Variants in VSTM5 observed in about 807,000 individuals in gnomAD.
The protein encoded by VSTM5 is V-set and transmembrane domain containing 5.
A neutral mutation model predicts 20.3 loss-of-function variants in VSTM5; 21 were observed. The observed-to-expected ratio is 1.03, with a 90% CI of 0.73 to 1.49. The LOEUF (loss-of-function observed/expected upper bound fraction) is 1.49. VSTM5 is among the 40% of genes most tolerant of loss of function. VSTM5 has a pLI of 0.00. For synonymous variants in VSTM5, 100 were observed against 102.5 expected, an observed-to-expected ratio of 0.98 and a Z score of 0.14; for missense variants, 219 against 250.0, an observed-to-expected ratio of 0.88 and a Z score of 0.84.
chr11:93,830,001 G>A (rs977355798), intron 1 of VSTM5, among the ~76,000 whole-genome samples: 6 of 152,178 alleles, frequency 3.9e-5, no homozygotes, highest in Non-Finnish European at 8.8e-5. Context: ...TTAAAAGTGT[G>A]GGAAAGGGAG....
In VSTM5 at chr11:93,821,167, G is replaced by A; in HGVS notation, c.248C>T (p.Pro83Leu). The A allele has an allele frequency of 6.4e-7, 1 of 1,552,190 alleles. No individual in the cohort carries two copies. Among genetic ancestry groups the A allele is most frequent in the Non-Finnish European group, 8.7e-7 (1 of 1,147,100 alleles). Residue 83 changes from proline to leucine, a missense_variant, in exon 2 of 4, where the codon CCA becomes CTA. Physicochemically the swap from Pro to Leu is moderately conservative, Grantham distance 98 (BLOSUM62 -3). Coordinates refer to ENST00000409977, the MANE Select transcript of VSTM5 (RefSeq NM_001144871.2). Reference sequence around the variant, plus strand: ...TTGAGAGATGTTGGCCTGAGTCCCTGGTTTCCACTCCACGATCTTCTGCGT... The same window carrying A: ...TTGAGAGATGTTGGCCTGAGTCCCTAGTTTCCACTCCACGATCTTCTGCGT... ...WGTQKIVEWK[P>L]GTQANISQSH...
At position 93,844,729 on chromosome 11, in the gene VSTM5, G is replaced by T. The variant is rs147097108; in HGVS notation, c.91+5683C>A. ...GCCATCAAGGCCTCTTCTTCAAGAA[G>T]CTCCTCCCATTCCAAACCGAGCTAA... is the stretch of plus-strand genomic sequence containing the variant. On this transcript the variant is annotated intron_variant, in intron 1 of 3. Coordinates refer to ENST00000409977, the MANE Select transcript of VSTM5 (RefSeq NM_001144871.2). Among the ~76,000 whole-genome samples the T allele has an allele frequency of 1.4e-3, 215 of 152,254 alleles. 2 individuals carry two copies. Among genetic ancestry groups the T allele is most frequent in the Middle Eastern group, 6.8e-3 (2 of 294 alleles).
intron 1 of VSTM5, among the ~76,000 whole-genome samples, 198 bp downstream of exon 1, chr11:93,850,214 C>T (rs1944447330): frequency 6.6e-6 from 1 of 152,062 alleles, no homozygotes; most frequent in South Asian, 2.1e-4. Context: ...CCTCCCGCTA[C>T]GGTCGGCGCC....
chr11:93,833,249 T>G (rs1944296158), intron 1 of VSTM5, among the ~76,000 whole-genome samples: 1 of 152,254 alleles, frequency 6.6e-6, no homozygotes, highest in African/African-American at 2.4e-5. Flanking sequence ...TACCTGTTTC[T>G]TTTTATATTT....
rs1591395017 is a variant in VSTM5, at chr11:93,819,110, C to T, written c.*1459G>A. On this transcript the variant is annotated 3_prime_UTR_variant, in exon 4 of 4. Coordinates refer to ENST00000409977, the MANE Select transcript of VSTM5 (RefSeq NM_001144871.2). ...GGGCTGTAACTTATCCAAGCAACTC[C>T]TCTGCCACATAGGAAATAGAGAAGA... 1 of 152,186 alleles carries T rather than the reference C, an allele frequency of 6.6e-6. No homozygotes were observed. Among genetic ancestry groups the T allele is most frequent in the East Asian group, 1.9e-4 (1 of 5,194 alleles). The allele number at this position is 152,186 out of a possible 1,614,324, so 9.4% of individuals were successfully genotyped here.
chr11:93,823,313 C>T (rs746404951), intron 1 of VSTM5, among the ~76,000 whole-genome samples: 5 of 151,526 alleles, frequency 3.3e-5, no homozygotes, highest in African/African-American at 9.7e-5. Context: ...CCACTGTGTC[C>T]GGCCTAGAAA....
At chr11:93,836,182 T>G (rs916282519) in intron 1 of VSTM5, among the ~76,000 whole-genome samples, 1 of 152,206 alleles carries the variant, frequency 6.6e-6, no homozygotes, top group Non-Finnish European at 1.5e-5. Flanking sequence ...TCTTCTACCA[T>G]CACCCTAGTC....
chr11:93,848,348 G>T (rs1185116461), intron 1 of VSTM5, among the ~76,000 whole-genome samples: 1 of 152,198 alleles, frequency 6.6e-6, no homozygotes, highest in African/African-American at 2.4e-5. Flanking sequence ...TAAGGGCGCA[G>T]GCCCTGGCTA....
chr11:93,849,912 A>G lies in VSTM5; in HGVS notation c.91+500T>C, dbSNP rs146017061. On this transcript the variant is annotated intron_variant, in intron 1 of 3. Transcript: ENST00000409977. Reference sequence around the variant, plus strand: ...CCAGAACCGTTTTTCTCACGGGAGCAGGCTGCTGTGGGTTCGTCTGACTGA... The same window carrying G: ...CCAGAACCGTTTTTCTCACGGGAGCGGGCTGCTGTGGGTTCGTCTGACTGA... Among the ~76,000 whole-genome samples, 557 of 152,346 alleles carry G rather than the reference A, an allele frequency of 3.7e-3. 4 individuals are homozygous for G. The highest frequency in any genetic ancestry group is 0.013 in the African/African-American group (540 of 41,592).
intron 1 of VSTM5, among the ~76,000 whole-genome samples, chr11:93,843,229 T>G (rs1306486385): frequency 6.6e-6 from 1 of 152,204 alleles, no homozygotes; most frequent in Non-Finnish European, 1.5e-5. Context: ...CCAGGAAGCC[T>G]TCCCCAATCC....
intron 1 of VSTM5, among the ~76,000 whole-genome samples, chr11:93,849,931 T>C (rs749632306): frequency 3.3e-5 from 5 of 152,244 alleles, no homozygotes; most frequent in African/African-American, 7.2e-5. Context: ...TGGGTTCGTC[T>C]GACTGATAAG....
chr11:93,846,088 T>C (rs1236781386), intron 1 of VSTM5, among the ~76,000 whole-genome samples: 2 of 152,242 alleles, frequency 1.3e-5, no homozygotes, highest in African/African-American at 4.8e-5. Context: ...GCTCAAGTGA[T>C]CAAGTGATCC....
chr11:93,843,645 T>C (rs1380135496), intron 1 of VSTM5, among the ~76,000 whole-genome samples: 1 of 152,188 alleles, frequency 6.6e-6, no homozygotes, highest in Non-Finnish European at 1.5e-5. Flanking sequence ...ACAGTTATTA[T>C]TGTCTTGTAA....
intron 1 of VSTM5, among the ~76,000 whole-genome samples, chr11:93,824,097 G>A (rs961628167): frequency 2.0e-5 from 3 of 151,968 alleles, no homozygotes; most frequent in Non-Finnish European, 4.4e-5. Flanking sequence ...TAGTAGAGAT[G>A]GGGTTTCACC....
intron 1 of VSTM5, among the ~76,000 whole-genome samples, chr11:93,841,743 A>G (rs757365120): frequency 2.0e-5 from 3 of 152,192 alleles, no homozygotes; most frequent in Non-Finnish European, 4.4e-5. Flanking sequence ...TGCTAACACC[A>G]TACCTGCCAG....
At chr11:93,826,523 G>A (rs1326262470) in intron 1 of VSTM5, among the ~76,000 whole-genome samples, 1 of 151,586 alleles carries the variant, frequency 6.6e-6, no homozygotes, top group African/African-American at 2.4e-5. Context: ...TCAGCCACCC[G>A]AGTAGCTGGG....
chr11:93,824,203 C>T (rs751762179), intron 1 of VSTM5, among the ~76,000 whole-genome samples: 9 of 152,096 alleles, frequency 5.9e-5, no homozygotes, highest in Non-Finnish European at 8.8e-5. Context: ...CCACCATGCC[C>T]GGCTATTACT....
chr11:93,849,742 A>G (rs1944442328), intron 1 of VSTM5, among the ~76,000 whole-genome samples: 1 of 152,248 alleles, frequency 6.6e-6, no homozygotes. Flanking sequence ...TGTGTCCAAG[A>G]GAGCCTCTGG....
intron 1 of VSTM5, among the ~76,000 whole-genome samples, chr11:93,839,249 A>G (rs1369240028): frequency 2.0e-5 from 3 of 152,232 alleles, no homozygotes; most frequent in African/African-American, 7.2e-5. Context: ...GAACAGAGAA[A>G]GCTGGTTCTG....
Sources: gnomAD v4.1 joint callset for allele counts (sites outside exome capture counted in the v4.1 genomes callset) on GRCh38, gnomAD v4.1.1 for gene constraint, MANE v1.5 for transcripts, NCBI Gene and HGNC (gene_info 2026-07-23, HGNC 2026-07-21) for gene names.